Variants in CCDC150 observed in about 807,000 individuals in gnomAD.
The protein encoded by CCDC150 is coiled-coil domain containing 150.
Under a neutral mutation model 156.5 loss-of-function variants are expected in CCDC150, and 151 were observed. The observed-to-expected ratio is 0.97, with a 90% CI of 0.85 to 1.10. The LOEUF (loss-of-function observed/expected upper bound fraction) is 1.10. Among genes scored for constraint, CCDC150 ranks in the 50% least tolerant of loss-of-function variants. The pLI is 0.00. For missense variants in CCDC150, 1,312 were observed against 1,268.1 expected, an observed-to-expected ratio of 1.03 and a Z score of -0.53; for synonymous variants, 452 against 429.4, an observed-to-expected ratio of 1.05 and a Z score of -0.65.
At chr2:196,707,982 G>C (rs562239387) in intron 15 of CCDC150, among the ~76,000 whole-genome samples, 166 of 152,302 alleles carry the variant, frequency 1.1e-3, no homozygotes, top group African/African-American at 3.7e-3. Context: ...TGTATATTCT[G>C]TTGATTTGGG....
At chr2:196,687,529 A>T (rs1260732090) in intron 13 of CCDC150, among the ~76,000 whole-genome samples, 2 of 151,922 alleles carry the variant, frequency 1.3e-5, no homozygotes, top group Non-Finnish European at 2.9e-5. Flanking sequence ...TCAGATGTAT[A>T]GTCTTTCATT....
chr2:196,673,167 C>T (rs550465897), intron 9 of CCDC150, among the ~76,000 whole-genome samples: 4 of 152,186 alleles, frequency 2.6e-5, no homozygotes, highest in African/African-American at 9.6e-5. Context: ...TTTTACTGAG[C>T]CCCTTCTACA....
chr2:196,704,592 G>A (rs968498248), intron 15 of CCDC150, among the ~76,000 whole-genome samples: 1 of 152,046 alleles, frequency 6.6e-6, no homozygotes, highest in African/African-American at 2.4e-5. Flanking sequence ...GGGTACATGT[G>A]CACAACATGC....
intron 2 of CCDC150, among the ~76,000 whole-genome samples, chr2:196,648,286 C>A (rs1167596968): frequency 2.6e-5 from 4 of 152,058 alleles, no homozygotes; most frequent in Non-Finnish European, 4.4e-5. Context: ...TTTCTCAATA[C>A]CCTTGCCAGC....
intron 7 of CCDC150, among the ~76,000 whole-genome samples, chr2:196,668,508 A>G (rs1693995939): frequency 6.6e-6 from 1 of 152,150 alleles, no homozygotes; most frequent in Admixed American, 6.5e-5. Flanking sequence ...TGAAGATTAA[A>G]ACAACAATAA....
chr2:196,651,233 G>A (rs940955839), intron 2 of CCDC150, among the ~76,000 whole-genome samples: 80 of 152,122 alleles, frequency 5.3e-4, no homozygotes, highest in African/African-American at 1.9e-3. Context: ...TTTTTATAAT[G>A]TGTATCCCTT....
chr2:196,683,413 T>C (rs1356793962), intron 13 of CCDC150, among the ~76,000 whole-genome samples: 2 of 152,104 alleles, frequency 1.3e-5, no homozygotes, highest in African/African-American at 4.8e-5. Flanking sequence ...TTAGGCTTGC[T>C]AGTATTTTGT....
At chr2:196,706,563 G>T (rs956976770) in intron 15 of CCDC150, among the ~76,000 whole-genome samples, 2 of 152,196 alleles carry the variant, frequency 1.3e-5, no homozygotes, top group African/African-American at 2.4e-5. Flanking sequence ...AATAGGAGTG[G>T]TGAGAGAGGG....
chr2:196,728,762 C>G (rs1173926798), intron 22 of CCDC150, among the ~76,000 whole-genome samples: 1 of 152,158 alleles, frequency 6.6e-6, no homozygotes, highest in Non-Finnish European at 1.5e-5. Flanking sequence ...GTGCCAGCCT[C>G]TACTTCTTTC....
At chr2:196,710,768 A>G (rs1355077841) in intron 15 of CCDC150, among the ~76,000 whole-genome samples, 2 of 152,236 alleles carry the variant, frequency 1.3e-5, no homozygotes, top group Non-Finnish European at 2.9e-5. Flanking sequence ...GTTATTTTTT[A>G]AAGAATAGGA....
intron 17 of CCDC150, chr2:196,713,139 C>G (rs994595149): frequency 1.6e-6 from 1 of 624,404 alleles, no homozygotes; most frequent in African/African-American, 1.9e-5. Context: ...TCATTAGATG[C>G]GCTCTCTGAC....
intron 19 of CCDC150, 126 bp downstream of exon 19, chr2:196,719,792 T>C (rs1697771069): frequency 6.9e-6 from 4 of 578,584 alleles, no homozygotes; most frequent in Admixed American, 3.8e-5. Flanking sequence ...AAATGATATG[T>C]TGAAAGAATT....
At chr2:196,729,039 G>T (rs1465787542) in intron 22 of CCDC150, among the ~76,000 whole-genome samples, 154 bp from the exon 23 acceptor site, 1 of 152,092 alleles carries the variant, frequency 6.6e-6, no homozygotes, top group Non-Finnish European at 1.5e-5. Flanking sequence ...TTGGTCTATT[G>T]CTCCATAAAT....
chr2:196,726,287 C>A, intron 22 of CCDC150, 188 bp downstream of exon 22: 1 of 533,164 alleles, frequency 1.9e-6, no homozygotes, highest in Admixed American at 3.2e-5. Context: ...ATTCTCTGCC[C>A]GACAAAGGTG....
At chr2:196,697,287 C>A (rs539510661) in intron 14 of CCDC150, among the ~76,000 whole-genome samples, 1 of 151,838 alleles carries the variant, frequency 6.6e-6, no homozygotes, top group East Asian at 1.9e-4. Flanking sequence ...TTCATATTTC[C>A]TAATTTCAGG....
intron 21 of CCDC150, among the ~76,000 whole-genome samples, chr2:196,722,523 T>C (rs1219671061): frequency 2.0e-5 from 3 of 152,068 alleles, no homozygotes; most frequent in Admixed American, 6.6e-5. Flanking sequence ...ACAATCCACC[T>C]GCCTGGCCTC....
intron 17 of CCDC150, chr2:196,718,290 A>G (rs1183975587): frequency 1.3e-5 from 4 of 301,374 alleles, no homozygotes; most frequent in African/African-American, 2.2e-5. Flanking sequence ...TTGTGTTTTC[A>G]TGGAGATTAA....
chr2:196,692,359 C>T (rs935343634), intron 13 of CCDC150, among the ~76,000 whole-genome samples: 1 of 151,366 alleles, frequency 6.6e-6, no homozygotes, highest in Non-Finnish European at 1.5e-5. Context: ...TGGTCTCGAT[C>T]TCCTGACCTC....
intron 22 of CCDC150, chr2:196,727,669 A>T (rs193024729): frequency 6.6e-6 from 1 of 152,216 alleles, no homozygotes; most frequent in African/African-American, 2.4e-5. Context: ...ATTAGGGAAC[A>T]TAAAGGTGTG....
Sources: gnomAD v4.1 joint callset for allele counts (sites outside exome capture counted in the v4.1 genomes callset) on GRCh38, gnomAD v4.1.1 for gene constraint, MANE v1.5 for transcripts, NCBI Gene and HGNC (gene_info 2026-07-23, HGNC 2026-07-21) for gene names.